ANTXR1: variants seen among roughly 807,000 people sequenced by gnomAD.
ANTXR1 encodes anthrax toxin receptor 1.
ANTXR1 carries 19 observed loss-of-function variants against 78.1 expected under a neutral mutation model. That is an observed-to-expected ratio of 0.24 (90% CI 0.17 to 0.36). ANTXR1 has a LOEUF of 0.36. Among genes scored for constraint, ANTXR1 ranks in the 10% least tolerant of loss-of-function variants. The probability of loss-of-function intolerance (pLI) is 1.00; values close to 1 mark genes in which losing one functional copy is unlikely to be tolerated. For missense variants in ANTXR1, 518 were observed against 718.6 expected (o/e 0.72, Z 3.19); for synonymous variants, 273 against 260.5 (o/e 1.05, Z -0.46).
chr2:69,202,606 G>T (rs942707234), intron 17 of ANTXR1, among the ~76,000 whole-genome samples: 11 of 152,220 alleles, frequency 7.2e-5, no homozygotes, highest in African/African-American at 2.7e-4. Context: ...TTAGGAGAAG[G>T]GGTTGGAGGG....
chr2:69,044,642 T>G, intron 2 of ANTXR1, 100 bp from the exon 3 acceptor site: 5 of 1,316,972 alleles, frequency 3.8e-6, no homozygotes, highest in Non-Finnish European at 5.5e-6. Context: ...TCTTCAGTTC[T>G]GGCAGCCGTG....
At chr2:69,133,618 C>A (rs1473596046) in intron 12 of ANTXR1, among the ~76,000 whole-genome samples, 4 of 152,072 alleles carry the variant, frequency 2.6e-5, no homozygotes, top group Non-Finnish European at 5.9e-5. Flanking sequence ...ATTTGGATGC[C>A]ACTGATTTGT....
intron 14 of ANTXR1, among the ~76,000 whole-genome samples, chr2:69,175,283 C>G (rs1166260181): frequency 2.0e-5 from 3 of 152,178 alleles, no homozygotes; most frequent in African/African-American, 7.2e-5. Context: ...CTTTCATGCT[C>G]CCATGTCACC....
chr2:69,027,956 T>C (rs1671399805), intron 1 of ANTXR1, among the ~76,000 whole-genome samples: 1 of 151,462 alleles, frequency 6.6e-6, no homozygotes, highest in Admixed American at 6.6e-5. Flanking sequence ...TATGGAAAAA[T>C]TTAAAGTCAC....
At chr2:69,068,676 G>C (rs1670478691) in intron 3 of ANTXR1, among the ~76,000 whole-genome samples, 1 of 152,224 alleles carries the variant, frequency 6.6e-6, no homozygotes, top group Non-Finnish European at 1.5e-5. Context: ...GGTGTAATGG[G>C]TTGGTGTTGA....
chr2:69,128,100 T>C (rs1426053026), intron 12 of ANTXR1, among the ~76,000 whole-genome samples: 1 of 152,108 alleles, frequency 6.6e-6, no homozygotes, highest in Non-Finnish European at 1.5e-5. Context: ...GGCACATGCC[T>C]GTAGTCCCAG....
At chr2:69,057,120 ATT>A (rs1351601912) in intron 3 of ANTXR1, among the ~76,000 whole-genome samples, 1 of 151,718 alleles carries the variant, frequency 6.6e-6, no homozygotes, top group Non-Finnish European at 1.5e-5. Flanking sequence ...ATACTTTTCT[ATT>A]TTGTCATATT....
chr2:69,237,681 A>G (rs1017681301), intron 17 of ANTXR1, among the ~76,000 whole-genome samples: 2 of 152,156 alleles, frequency 1.3e-5, no homozygotes, highest in Non-Finnish European at 2.9e-5. Context: ...TTGGCCTCCT[A>G]AAGTGCTGAG....
At chr2:69,040,591 T>C (rs1401580541) in intron 2 of ANTXR1, among the ~76,000 whole-genome samples, 1 of 152,194 alleles carries the variant, frequency 6.6e-6, no homozygotes, top group Non-Finnish European at 1.5e-5. Flanking sequence ...TTGGTCGCTC[T>C]CTAGCTGTGT....
intron 17 of ANTXR1, among the ~76,000 whole-genome samples, chr2:69,238,545 T>TTATGTCAATTGCCTTCAA (rs1297118843): frequency 6.6e-6 from 1 of 152,208 alleles, no homozygotes; most frequent in African/African-American, 2.4e-5. Context: ...TTCGGCAGGA[T>TTATGTCAATTGCCTTCAA]TATGTCAATT....
chr2:69,099,197 G>A (rs1473735264), intron 9 of ANTXR1, among the ~76,000 whole-genome samples: 1 of 152,156 alleles, frequency 6.6e-6, no homozygotes. Context: ...ACCTTATAAA[G>A]GGAGTCATGC....
Position 69,182,534 on chromosome 2 carries a change from G to C in ANTXR1, c.1227G>C (p.Lys409Asn). 2 of 1,614,210 alleles carry C rather than the reference G, an allele frequency of 1.2e-6. No individual in the cohort carries two copies. Among genetic ancestry groups the C allele is most frequent in the Non-Finnish European group, 1.7e-6 (2 of 1,180,048 alleles). Residue 409 changes from lysine to asparagine, a missense_variant, in exon 16 of 18, where the codon AAG becomes AAC. By Grantham distance (94) the Lys-to-Asn change is moderately conservative. Transcript: ENST00000303714. ...GEKGSTEEGA[K>N]LEKAKNARVK... ...AGGGCTCCACAGAAGAAGGTGCTAA[G>C]TTGGAAAAGGCAAAGAATGCAAGAG...
chr2:69,053,429 G>A (rs1220277970), intron 3 of ANTXR1, among the ~76,000 whole-genome samples: 1 of 152,070 alleles, frequency 6.6e-6, no homozygotes, highest in Admixed American at 6.6e-5. Flanking sequence ...TCACTTCCCC[G>A]CCATCCCTCA....
intron 14 of ANTXR1, among the ~76,000 whole-genome samples, chr2:69,171,684 G>T (rs150981528): frequency 2.1e-3 from 318 of 152,292 alleles, no homozygotes; most frequent in African/African-American, 7.4e-3. Context: ...TGTAGGTTAA[G>T]ACTGGGCTCT....
At chr2:69,204,141 A>G (rs1674839513) in intron 17 of ANTXR1, among the ~76,000 whole-genome samples, 2 of 152,194 alleles carry the variant, frequency 1.3e-5, no homozygotes, top group South Asian at 4.1e-4. Flanking sequence ...GCACCAAAAA[A>G]GATCATCTCG....
intron 10 of ANTXR1, among the ~76,000 whole-genome samples, chr2:69,116,151 T>C (rs893331091): frequency 9.2e-5 from 14 of 152,224 alleles, no homozygotes; most frequent in African/African-American, 2.9e-4. Flanking sequence ...ATCTCACTCA[T>C]CTCTGAAAAC....
At chr2:69,135,290 A>T (rs1373734935) in intron 12 of ANTXR1, 1 of 160,598 alleles carries the variant, frequency 6.2e-6, no homozygotes, top group East Asian at 1.7e-4. Flanking sequence ...CCTTGTTTTG[A>T]GAGTAAATTG....
intron 1 of ANTXR1, among the ~76,000 whole-genome samples, chr2:69,034,043 T>C (rs542461253): frequency 1.3e-5 from 2 of 152,216 alleles, no homozygotes; most frequent in Non-Finnish European, 2.9e-5. Context: ...TATTAGACCC[T>C]TGGAAGTAAT....
intron 14 of ANTXR1, 78 bp from the exon 15 acceptor site, chr2:69,181,708 C>A: frequency 7.3e-7 from 1 of 1,366,288 alleles, no homozygotes; most frequent in Non-Finnish European, 1.0e-6. Context: ...AGCTCTACTC[C>A]TAATCACTTG....
Sources: allele counts gnomAD v4.1 joint callset (sites outside exome capture counted in the v4.1 genomes callset), GRCh38; gene constraint gnomAD v4.1.1; transcripts MANE v1.5; gene names NCBI Gene and HGNC (gene_info 2026-07-23, HGNC 2026-07-21).